Variants in FBXW2 observed in about 807,000 individuals in gnomAD.
The protein encoded by FBXW2 is F-box/WD repeat-containing protein 2.
Under a neutral mutation model 46.0 loss-of-function variants are expected in FBXW2, and 12 were observed. The observed-to-expected ratio is 0.26, with a 90% CI of 0.17 to 0.42. The LOEUF is 0.42. Among genes scored for constraint, FBXW2 ranks in the 10% least tolerant of loss-of-function variants. FBXW2 has a pLI of 1.00. For synonymous variants in FBXW2, 203 were observed against 209.6 expected (o/e 0.97, Z 0.27); for missense variants, 360 against 537.0 (o/e 0.67, Z 3.26).
In FBXW2 at chr9:120,762,528, T is replaced by C. The variant is rs954873103; in HGVS notation, c.*2031A>G. 6 of 152,174 alleles carry C rather than the reference T, an allele frequency of 3.9e-5. No homozygotes were observed. The highest frequency in any genetic ancestry group is 1.4e-4 in the African/African-American group (6 of 41,430). 9.4% of individuals were successfully genotyped at this position (152,174 alleles called of 1,614,324 possible). On this transcript the variant is annotated 3_prime_UTR_variant, in exon 8 of 8. Coordinates refer to ENST00000608872, the MANE Select transcript of FBXW2 (RefSeq NM_012164.4). ...AGATTTTGTGGGATGGGGGAAGATA[T>C]TGTTCTTTTGCTTAAACCCCACAGA...
chr9:120,778,223 G>A (rs567145660), intron 4 of FBXW2, 128 bp downstream of exon 4: 1 of 854,292 alleles, frequency 1.2e-6, no homozygotes, highest in African/African-American at 1.7e-5. Context: ...GGAAATAACT[G>A]CAATGACTAA....
intron 7 of FBXW2, among the ~76,000 whole-genome samples, chr9:120,766,338 C>T (rs1178199720): frequency 6.6e-6 from 1 of 152,102 alleles, no homozygotes; most frequent in Non-Finnish European, 1.5e-5. Flanking sequence ...GGATCAGAGG[C>T]AAAGAGTTAC....
At chr9:120,776,258 T>C (rs2044494152) in intron 4 of FBXW2, 32 bp from the exon 5 acceptor site, 1 of 1,606,552 alleles carries the variant, frequency 6.2e-7, no homozygotes. Flanking sequence ...AGTTAAAACA[T>C]GTCTCTGTCA....
At chr9:120,793,296 G>C (rs2044893969) in intron 1 of FBXW2, 39 bp from the exon 2 acceptor site, 1 of 449,958 alleles carries the variant, frequency 2.2e-6, no homozygotes, top group African/African-American at 2.0e-5. Flanking sequence ...CGGCGGGTCA[G>C]CAGAGCCGCG....
chr9:120,775,477 G>A (rs2044472779), intron 5 of FBXW2, among the ~76,000 whole-genome samples: 1 of 152,114 alleles, frequency 6.6e-6, no homozygotes, highest in African/African-American at 2.4e-5. Flanking sequence ...TAAGGACTGG[G>A]TCTATTTTGC....
intron 2 of FBXW2, among the ~76,000 whole-genome samples, chr9:120,790,960 C>T (rs2044827297): frequency 6.6e-6 from 1 of 152,196 alleles, no homozygotes; most frequent in South Asian, 2.1e-4. Context: ...AAAAAATTTT[C>T]CCAACTCTTA....
At position 120,758,474 on chromosome 9, in the gene FBXW2, T is replaced by C. The variant is rs902373424; in HGVS notation, c.*6085A>G. On this transcript the variant is annotated 3_prime_UTR_variant, in exon 8 of 8. Coordinates refer to ENST00000608872, the MANE Select transcript of FBXW2 (RefSeq NM_012164.4). ...AGCAAGTAAGTGCTCAAAGAAGTGGTTGGGGAGACTCCCTGGAAGCAAAGC... is the reference window on the plus strand; with the variant it reads ...AGCAAGTAAGTGCTCAAAGAAGTGGCTGGGGAGACTCCCTGGAAGCAAAGC... 2 of 152,272 alleles carry C rather than the reference T, an allele frequency of 1.3e-5. No homozygotes were observed. The highest frequency in any genetic ancestry group is 2.4e-5 in the African/African-American group (1 of 41,450). The allele number at this position is 152,272 out of a possible 1,614,324, so 9.4% of individuals were successfully genotyped here. A position where few individuals can be genotyped will look rare whatever the true frequency, so the allele number is the denominator to read the frequency against.
chr9:120,764,549 G>A lies in FBXW2; in HGVS notation c.*10C>T, dbSNP rs774218087. 26 of 1,602,734 alleles carry A rather than the reference G, an allele frequency of 1.6e-5. No homozygotes were observed. In the South Asian group the frequency reaches 2.9e-4, roughly 18 times the overall value. On this transcript the variant is annotated 3_prime_UTR_variant, in exon 8 of 8. Transcript: ENST00000608872. ...CACCCAAAGTCAGTCAGCGGTGGTG[G>A]CTCATGGTGTCAGCCGTGCTCCTTC...
chr9:120,765,787 GTTA>G (rs1256514734), intron 7 of FBXW2, among the ~76,000 whole-genome samples: 2 of 152,020 alleles, frequency 1.3e-5, no homozygotes, highest in African/African-American at 2.4e-5. Context: ...TTCATAAAAA[GTTA>G]TTATGAAAAA....
At chr9:120,785,014 T>A (rs1415920318) in intron 3 of FBXW2, among the ~76,000 whole-genome samples, 1 of 146,810 alleles carries the variant, frequency 6.8e-6, no homozygotes, top group Non-Finnish European at 1.5e-5. Context: ...ATCTTAATAT[T>A]TTTTTTTTTT....
intron 7 of FBXW2, among the ~76,000 whole-genome samples, chr9:120,767,626 T>C (rs568485231): frequency 6.6e-6 from 1 of 152,352 alleles, no homozygotes; most frequent in African/African-American, 2.4e-5. Context: ...TAAAGTGAGC[T>C]AGCCAATGTT....
chr9:120,775,746 C>T (rs918736569), intron 5 of FBXW2, among the ~76,000 whole-genome samples: 3 of 152,150 alleles, frequency 2.0e-5, no homozygotes, highest in Admixed American at 6.5e-5. Context: ...GGGAAAAACA[C>T]GCCCACAATC....
chr9:120,761,588 C>T lies in FBXW2; in HGVS notation c.*2971G>A, dbSNP rs1487054848. The T allele has an allele frequency of 2.6e-5, 4 of 152,022 alleles. 1 individual carries two copies. The highest frequency in any genetic ancestry group is 6.5e-5 in the Admixed American group (1 of 15,276). The allele number at this position is 152,022 out of a possible 1,614,324, so 9.4% of individuals were successfully genotyped here. The stretch of plus-strand genomic sequence containing the variant: ...TGACTCCCCACTTTGCTTTCTTTTG[C>T]AAAAAGGATGAGCTAGTTTTCCATT... On this transcript the variant is annotated 3_prime_UTR_variant, in exon 8 of 8. Transcript: ENST00000608872.
chr9:120,777,348 GT>G (rs952579476), intron 4 of FBXW2, among the ~76,000 whole-genome samples: 2 of 152,214 alleles, frequency 1.3e-5, no homozygotes, highest in African/African-American at 4.8e-5. Flanking sequence ...AAAAATACGT[GT>G]TTTTATTAGC....
intron 7 of FBXW2, among the ~76,000 whole-genome samples, chr9:120,766,973 A>G (rs953307331): frequency 6.6e-6 from 1 of 152,216 alleles, no homozygotes; most frequent in African/African-American, 2.4e-5. Context: ...GGCATAGCAT[A>G]TAACTGCCAG....
chr9:120,792,080 T>C (rs1262096520), intron 2 of FBXW2, among the ~76,000 whole-genome samples: 3 of 152,186 alleles, frequency 2.0e-5, no homozygotes, highest in African/African-American at 7.2e-5. Context: ...GTATCAGTAA[T>C]GCCGCCCTTA....
At chr9:120,788,509 T>C (rs1564464119) in intron 2 of FBXW2, among the ~76,000 whole-genome samples, 1 of 152,224 alleles carries the variant, frequency 6.6e-6, no homozygotes, top group Non-Finnish European at 1.5e-5. Flanking sequence ...ATCCAAAACA[T>C]GTCAGTGAAA....
chr9:120,781,661 CACACACACACACACAT>C (rs1330008816), intron 3 of FBXW2, among the ~76,000 whole-genome samples: 8 of 151,518 alleles, frequency 5.3e-5, no homozygotes, highest in Non-Finnish European at 8.8e-5. Context: ...CACACACACA[CACACACACACACACAT>C]ACACACACAC....
chr9:120,773,730 C>T (rs1044738039), intron 5 of FBXW2, among the ~76,000 whole-genome samples: 1 of 152,198 alleles, frequency 6.6e-6, no homozygotes, highest in Admixed American at 6.5e-5. Context: ...TTGCTGGGTG[C>T]TGTCCCAACA....
Sources: allele counts gnomAD v4.1 joint callset (sites outside exome capture counted in the v4.1 genomes callset), GRCh38; gene constraint gnomAD v4.1.1; transcripts MANE v1.5; gene names NCBI Gene and HGNC (gene_info 2026-07-23, HGNC 2026-07-21).